The following ULK4 variants were observed in gnomAD, a reference collection of about 807,000 sequenced individuals.
The protein encoded by ULK4 is unc-51 like kinase 4, also known as inactive serine/threonine-protein kinase ULK4.
ULK4 carries 133 observed loss-of-function variants against 160.6 expected under a neutral mutation model. The observed-to-expected ratio is 0.83, with a 90% CI of 0.72 to 0.96. The LOEUF (loss-of-function observed/expected upper bound fraction) is 0.96. ULK4 is among the 40% of genes least tolerant of loss of function. The pLI, the probability that ULK4 is intolerant of heterozygous loss-of-function variation, is 0.00. For synonymous variants in ULK4, 534 were observed against 539.8 expected, an observed-to-expected ratio of 0.99 and a Z score of 0.15; for missense variants, 1,580 against 1,499.5, an observed-to-expected ratio of 1.05 and a Z score of -0.89.
intron 3 of ULK4, among the ~76,000 whole-genome samples, chr3:41,936,898 T>C (rs578259488): frequency 5.7e-4 from 87 of 152,250 alleles, no homozygotes; most frequent in African/African-American, 2.0e-3. Flanking sequence ...CATTTTAAAA[T>C]AACTAAAAGA....
At chr3:41,695,059 G>C (rs2036443289) in intron 27 of ULK4, among the ~76,000 whole-genome samples, 1 of 152,168 alleles carries the variant, frequency 6.6e-6, no homozygotes, top group Non-Finnish European at 1.5e-5. Flanking sequence ...TGTGAGGGCT[G>C]CTTCCAAGAT....
intron 35 of ULK4, chr3:41,277,982 GC>G (rs2079260273): frequency 6.6e-6 from 1 of 152,326 alleles, no homozygotes; most frequent in Non-Finnish European, 1.5e-5. Context: ...CCGAAGCAGG[GC>G]GGGGTGTCGC....
At chr3:41,540,450 G>C (rs1249779152) in intron 32 of ULK4, among the ~76,000 whole-genome samples, 1 of 152,114 alleles carries the variant, frequency 6.6e-6, no homozygotes, top group African/African-American at 2.4e-5. Context: ...ATGGGCATTT[G>C]GGTTGATTCT....
chr3:41,821,495 C>T (rs1396616059), intron 18 of ULK4, among the ~76,000 whole-genome samples: 1 of 152,218 alleles, frequency 6.6e-6, no homozygotes, highest in Non-Finnish European at 1.5e-5. Flanking sequence ...ATAAAGCCAT[C>T]TGCTACTTCT....
chr3:41,378,620 C>T (rs1473567661), intron 35 of ULK4, among the ~76,000 whole-genome samples: 8 of 148,298 alleles, frequency 5.4e-5, no homozygotes, highest in East Asian at 2.1e-4. Flanking sequence ...CATCATATAC[C>T]GGGGCCTGTC....
chr3:41,873,388 T>C (rs1697183756), intron 17 of ULK4, among the ~76,000 whole-genome samples: 1 of 152,152 alleles, frequency 6.6e-6, no homozygotes, highest in Non-Finnish European at 1.5e-5. Context: ...AACCACCATC[T>C]CATCTTGTCC....
intron 32 of ULK4, among the ~76,000 whole-genome samples, chr3:41,564,356 G>C (rs1489686194): frequency 6.6e-6 from 1 of 152,034 alleles, no homozygotes; most frequent in Non-Finnish European, 1.5e-5. Context: ...CACTTGAGGA[G>C]GTAGTCCGTC....
intron 31 of ULK4, among the ~76,000 whole-genome samples, chr3:41,598,312 A>G (rs1307494992): frequency 1.3e-5 from 2 of 152,214 alleles, no homozygotes; most frequent in African/African-American, 4.8e-5. Context: ...AAGTAGCTCA[A>G]CTGGAGCTAT....
chr3:41,449,318 C>T (rs969633693), intron 34 of ULK4, among the ~76,000 whole-genome samples: 3 of 152,112 alleles, frequency 2.0e-5, no homozygotes, highest in Non-Finnish European at 4.4e-5. Flanking sequence ...TTGCCTTGGC[C>T]TTCTAAAGTA....
chr3:41,733,784 G>T (rs1468908000), intron 22 of ULK4, among the ~76,000 whole-genome samples: 2 of 140,200 alleles, frequency 1.4e-5, no homozygotes, highest in Non-Finnish European at 3.0e-5. Context: ...TCCCAGGCTG[G>T]AGTGCAGTGG....
At chr3:41,589,039 C>T (rs1296455095) in intron 31 of ULK4, among the ~76,000 whole-genome samples, 2 of 151,976 alleles carry the variant, frequency 1.3e-5, no homozygotes, top group Non-Finnish European at 2.9e-5. Flanking sequence ...TATTCTTGGA[C>T]TTCACCTTCC....
chr3:41,554,862 T>C (rs976877265), intron 32 of ULK4, among the ~76,000 whole-genome samples: 2 of 151,832 alleles, frequency 1.3e-5, no homozygotes, highest in Non-Finnish European at 2.9e-5. Flanking sequence ...AAAGTAGAAA[T>C]AATAAAACAA....
chr3:41,665,075 A>AC (rs1195668788), intron 29 of ULK4, among the ~76,000 whole-genome samples: 1 of 152,208 alleles, frequency 6.6e-6, no homozygotes, highest in Non-Finnish European at 1.5e-5. Context: ...ATAGCCAACA[A>AC]CTAAAAAGGA....
intron 31 of ULK4, among the ~76,000 whole-genome samples, chr3:41,568,363 A>C (rs1007600285): frequency 7.9e-5 from 12 of 152,230 alleles, no homozygotes; most frequent in African/African-American, 2.9e-4. Flanking sequence ...GCAAAGATTT[A>C]AAGAAGTAGA....
At chr3:41,815,253 A>G (rs2040930152) in intron 19 of ULK4, among the ~76,000 whole-genome samples, 1 of 152,050 alleles carries the variant, frequency 6.6e-6, no homozygotes, top group Non-Finnish European at 1.5e-5. Flanking sequence ...GTCCATTTAC[A>G]TTTATTATGA....
At chr3:41,590,453 T>TA in intron 31 of ULK4, among the ~76,000 whole-genome samples, 1 of 11,806 alleles carries the variant, frequency 8.5e-5, no homozygotes, top group Non-Finnish European at 1.6e-4. Flanking sequence ...CCGTCTCTAC[T>TA]AAAAATACAA....
At chr3:41,548,202 C>A (rs1325081810) in intron 32 of ULK4, among the ~76,000 whole-genome samples, 1 of 152,124 alleles carries the variant, frequency 6.6e-6, no homozygotes, top group Non-Finnish European at 1.5e-5. Flanking sequence ...CTGAGGAAGG[C>A]CCTGCTTCAC....
intron 30 of ULK4, among the ~76,000 whole-genome samples, chr3:41,634,270 A>G (rs1338342623): frequency 6.6e-6 from 1 of 152,182 alleles, no homozygotes; most frequent in Non-Finnish European, 1.5e-5. Flanking sequence ...TGATTGCCTG[A>G]CCATCACTCT....
At chr3:41,301,799 T>A (rs946643387) in intron 35 of ULK4, among the ~76,000 whole-genome samples, 4 of 152,176 alleles carry the variant, frequency 2.6e-5, no homozygotes, top group Non-Finnish European at 5.9e-5. Context: ...AATAAGTGAG[T>A]CATTACTCTT....
Sources: gnomAD v4.1 joint callset for allele counts (sites outside exome capture counted in the v4.1 genomes callset) on GRCh38, gnomAD v4.1.1 for gene constraint, MANE v1.5 for transcripts, NCBI Gene and HGNC (gene_info 2026-07-23, HGNC 2026-07-21) for gene names.